C11orf65: variants seen among roughly 807,000 people sequenced by gnomAD.
C11orf65 encodes the protein chromosome 11 open reading frame 65.
C11orf65 carries 38 observed loss-of-function variants against 35.3 expected under a neutral mutation model. That is an observed-to-expected ratio of 1.08 (90% CI 0.83 to 1.41). C11orf65 has a LOEUF of 1.41. C11orf65 is among the 40% of genes most tolerant of loss of function. The probability of loss-of-function intolerance (pLI) is 0.00; values close to 1 mark genes in which losing one functional copy is unlikely to be tolerated. For synonymous variants in C11orf65, 105 were observed against 114.4 expected (o/e 0.92, Z 0.53); for missense variants, 370 against 367.1 (o/e 1.01, Z -0.06).
chr11:108,443,831 G>C (rs1591570932), intron 2 of C11orf65, among the ~76,000 whole-genome samples: 1 of 152,258 alleles, frequency 6.6e-6, no homozygotes, highest in South Asian at 2.1e-4. Context: ...TGTGTAGACA[G>C]AAATTTATAG....
chr11:108,437,707 TAAAAAAAAAAAA>T (rs145337876), intron 2 of C11orf65, among the ~76,000 whole-genome samples: 47 of 38,036 alleles, frequency 1.2e-3, no homozygotes, highest in African/African-American at 2.6e-3. Flanking sequence ...GACTCAGTCT[TAAAAAAAAAAAA>T]AAAAAAAAAA....
Position 108,382,887 on chromosome 11 carries a change from C to T in C11orf65, c.*134G>A. On this transcript the variant is annotated 3_prime_UTR_variant, in exon 9 of 9. Coordinates refer to ENST00000393084, the MANE Select transcript of C11orf65 (RefSeq NM_152587.5). Reference sequence around the variant, plus strand: ...CAGTGTTCTATTTCTGCTCAATCTTCCTTACTTAACTGAGCTAGATTCTGT... The same window carrying T: ...CAGTGTTCTATTTCTGCTCAATCTTTCTTACTTAACTGAGCTAGATTCTGT... 6.6e-7 allele frequency: 1 copy of T among 1,525,078 alleles called. No homozygotes were observed. The allele number at this position is 1,525,078 out of a possible 1,614,324, so 94.5% of individuals were successfully genotyped here. A position where few individuals can be genotyped will look rare whatever the true frequency, so the allele number is the denominator to read the frequency against.
intron 2 of C11orf65, among the ~76,000 whole-genome samples, chr11:108,440,408 G>C (rs2093132973): frequency 6.6e-6 from 1 of 152,222 alleles, no homozygotes; most frequent in African/African-American, 2.4e-5. Context: ...GACTTGAACA[G>C]TAGAAATGGC....
At chr11:108,460,885 C>A (rs1420472206) in intron 2 of C11orf65, among the ~76,000 whole-genome samples, 1 of 151,952 alleles carries the variant, frequency 6.6e-6, no homozygotes, top group Non-Finnish European at 1.5e-5. Context: ...GCCACCACAC[C>A]CAGCTAATTT....
intron 2 of C11orf65, among the ~76,000 whole-genome samples, chr11:108,451,128 A>G (rs1302175121): frequency 1.3e-5 from 2 of 151,980 alleles, no homozygotes; most frequent in Admixed American, 6.5e-5. Context: ...CACCACTCCT[A>G]TTCAACATAG....
Position 108,394,130 on chromosome 11 carries a change from A to C in C11orf65, c.561-752T>G, listed in dbSNP as rs529454573. On this transcript the variant is annotated intron_variant, in intron 6 of 8. Transcript: ENST00000393084. ...GGGAGGTGGAGGTTGCAGCGAGCCGAGATCATGAAACTGCACTCCAGCCTG... is the reference window on the plus strand; with the variant it reads ...GGGAGGTGGAGGTTGCAGCGAGCCGCGATCATGAAACTGCACTCCAGCCTG... Among the ~76,000 whole-genome samples, 11 of 148,738 alleles carry C rather than the reference A, an allele frequency of 7.4e-5. No individual in the cohort carries two copies. In the East Asian group the frequency reaches 2.0e-3, roughly 27 times the overall value.
intron 3 of C11orf65, among the ~76,000 whole-genome samples, chr11:108,418,578 A>G (rs2092773442): frequency 6.6e-6 from 1 of 152,142 alleles, no homozygotes; most frequent in Admixed American, 6.5e-5. Flanking sequence ...CAATAAATTC[A>G]GCATCCATTT....
intron 2 of C11orf65, among the ~76,000 whole-genome samples, chr11:108,434,854 C>A (rs1565691656): frequency 6.6e-6 from 1 of 152,182 alleles, no homozygotes; most frequent in Non-Finnish European, 1.5e-5. Flanking sequence ...GATTAGAGAA[C>A]TTGGTTCACA....
At chr11:108,322,132 G>A (rs2136258159) in intron 6 of C11orf65, among the ~76,000 whole-genome samples, 1 of 151,956 alleles carries the variant, frequency 6.6e-6, no homozygotes, top group South Asian at 2.1e-4. Flanking sequence ...TATACCTAGT[G>A]TTTTTGTTTT....
intron 3 of C11orf65, among the ~76,000 whole-genome samples, chr11:108,415,097 T>G (rs2092711305): frequency 6.6e-6 from 1 of 152,132 alleles, no homozygotes; most frequent in African/African-American, 2.4e-5. Flanking sequence ...ACTAAATGTT[T>G]TCCTACAAAG....
At chr11:108,356,205 T>G (rs2089901204) in intron 2 of C11orf65, 1 of 152,274 alleles carries the variant, frequency 6.6e-6, no homozygotes, top group East Asian at 1.9e-4. Context: ...ATGTCGAAAT[T>G]AAACTCTAAA....
intron 3 of C11orf65, chr11:108,331,643 C>T (rs2086247755): frequency 7.0e-7 from 1 of 1,419,874 alleles, no homozygotes. Flanking sequence ...ACCATTCCCT[C>T]TAAGAAATGG....
chr11:108,456,158 T>C (rs1337592030), intron 2 of C11orf65, among the ~76,000 whole-genome samples: 1 of 152,018 alleles, frequency 6.6e-6, no homozygotes, highest in Non-Finnish European at 1.5e-5. Flanking sequence ...CTGTCTTAAA[T>C]AAACAAATAA....
At chr11:108,393,078 A>T in intron 7 of C11orf65, 130 bp downstream of exon 7, 1 of 980,576 alleles carries the variant, frequency 1.0e-6, no homozygotes, top group African/African-American at 1.6e-5. Flanking sequence ...CTAGACAAAT[A>T]ATAGATACTC....
rs556558767 is a variant in C11orf65 at position 108,401,353 on chromosome 11, G to A, written c.560+4076C>T. Among the ~76,000 whole-genome samples, 3 of 152,130 alleles carry A rather than the reference G, an allele frequency of 2.0e-5. No homozygotes were observed. The South Asian group carries it at 6.2e-4, about 32-fold the overall frequency. ...AGAATGTGTAAACAAAAACTCAGCT[G>A]TACGTAAGAAAACCCAACTCCCCCT... is the stretch of plus-strand genomic sequence containing the variant. On this transcript the variant is annotated intron_variant, in intron 6 of 8. Transcript: ENST00000393084.
At position 108,366,727 on chromosome 11, in the gene C11orf65, TTCC is replaced by T. The variant is rs368440018; in HGVS notation, c.226+26478_226+26480del. On this transcript the variant is annotated intron_variant, in intron 2 of 3. Coordinates refer to the C11orf65 transcript ENST00000524755. ...ATTTCCCAGGCCAAGGCAAACACAC[TTCC>T]TCCTCATCTCCTTGTGCTAGTGGGC... 189 of 230,874 alleles carry T rather than the reference TTCC, an allele frequency of 8.2e-4. 1 individual carries two copies. Among genetic ancestry groups the T allele is most frequent in the African/African-American group, 1.7e-3 (76 of 45,348 alleles). 14.3% of individuals were successfully genotyped at this position (230,874 alleles called of 1,614,324 possible). A position where few individuals can be genotyped will look rare whatever the true frequency, so the allele number is the denominator to read the frequency against.
downstream of C11orf65, chr11:108,327,858 T>A (rs185058752): frequency 1.0e-6 from 1 of 981,730 alleles, no homozygotes; most frequent in East Asian, 2.7e-5. Context: ...AAAAGTATGG[T>A]TTTATTTTTC....
At chr11:108,357,302 G>A (rs563283386) in intron 2 of C11orf65, among the ~76,000 whole-genome samples, 68 of 152,302 alleles carry the variant, frequency 4.5e-4, no homozygotes, top group African/African-American at 1.5e-3. Flanking sequence ...CTACGCCCAC[G>A]GAGTCTCGCT....
At chr11:108,402,979 C>T (rs1232757102) in intron 6 of C11orf65, among the ~76,000 whole-genome samples, 1 of 151,506 alleles carries the variant, frequency 6.6e-6, no homozygotes, top group African/African-American at 2.4e-5. Context: ...ATCCATTCAC[C>T]TGCTGATGCA....
Sources: gnomAD v4.1 joint callset for allele counts (sites outside exome capture counted in the v4.1 genomes callset) on GRCh38, gnomAD v4.1.1 for gene constraint, MANE v1.5 for transcripts, NCBI Gene and HGNC (gene_info 2026-07-23, HGNC 2026-07-21) for gene names.